Variants in CAP2 observed in about 807,000 individuals in gnomAD.
CAP2 encodes the protein cyclase associated actin cytoskeleton regulatory protein 2, also known as adenylyl cyclase-associated protein 2.
Under a neutral mutation model 57.7 loss-of-function variants are expected in CAP2, and 24 were observed. The ratio of observed to expected loss-of-function variants is 0.42; its 90% CI spans 0.30 to 0.58. The LOEUF is 0.58. Ranked by LOEUF, CAP2 falls within the 20% of genes least tolerant of loss-of-function variation. The pLI is 0.22. For synonymous variants in CAP2, 194 were observed against 207.2 expected, an observed-to-expected ratio of 0.94 and a Z score of 0.55; for missense variants, 501 against 590.3, an observed-to-expected ratio of 0.85 and a Z score of 1.57.
chr6:17,438,400 T>G (rs1339144399), intron 3 of CAP2, among the ~76,000 whole-genome samples: 1 of 149,294 alleles, frequency 6.7e-6, no homozygotes, highest in Non-Finnish European at 1.5e-5. Flanking sequence ...CTTATGTTGG[T>G]TTTTTTGTTT....
Position 17,549,725 on chromosome 6 carries a change from A to G in CAP2, c.1210-1739A>G, listed in dbSNP as rs145897685. 3.4e-3 allele frequency among the ~76,000 whole-genome samples: 518 copies of G among 152,282 alleles called. 3 individuals are homozygous for G. The highest frequency in any genetic ancestry group is 0.012 in the African/African-American group (486 of 41,550). ...GAATCTTATGCCTACAGGAACTACA[A>G]TTTGAGGATTGCCTATATACTAAAG... On this transcript the variant is annotated intron_variant, in intron 11 of 12. Coordinates refer to ENST00000229922, the MANE Select transcript of CAP2 (RefSeq NM_006366.3).
At chr6:17,448,345 A>C (rs1016674669) in intron 3 of CAP2, among the ~76,000 whole-genome samples, 1 of 152,234 alleles carries the variant, frequency 6.6e-6, no homozygotes, top group Non-Finnish European at 1.5e-5. Flanking sequence ...TCCTTAAGTG[A>C]TAGAAAAACA....
chr6:17,469,173 C>A (rs186049467), intron 4 of CAP2, among the ~76,000 whole-genome samples: 1 of 152,364 alleles, frequency 6.6e-6, no homozygotes, highest in Admixed American at 6.5e-5. Flanking sequence ...GGCACCACCC[C>A]AAGGAAGACT....
chr6:17,532,593 A>C lies in CAP2; in HGVS notation c.637-6676A>C, dbSNP rs915935343. Among the ~76,000 whole-genome samples, 41 of 151,360 alleles carry C rather than the reference A, an allele frequency of 2.7e-4. 1 individual carries two copies. The highest frequency in any genetic ancestry group is 1.3e-4 in the Admixed American group (2 of 15,216). ...AAACCCCTTCTCTACTAAAAATTCA[A>C]AAAAATTAGCCAGGCGTGGTGGCAG... is the stretch of plus-strand genomic sequence containing the variant. On this transcript the variant is annotated intron_variant, in intron 7 of 12. Transcript: ENST00000229922.
chr6:17,540,866 C>A, intron 8 of CAP2, 107 bp from the exon 9 acceptor site: 2 of 1,066,254 alleles, frequency 1.9e-6, no homozygotes, highest in Non-Finnish European at 2.7e-6. Context: ...TTGAAAGTGG[C>A]CTTACCAAAA....
At chr6:17,401,772 C>T (rs920016355) in intron 1 of CAP2, among the ~76,000 whole-genome samples, 3 of 152,108 alleles carry the variant, frequency 2.0e-5, no homozygotes, top group Admixed American at 6.6e-5. Flanking sequence ...TTCTCTGTTT[C>T]TTAGTACTCC....
At chr6:17,394,038 G>C (rs1758608472) in intron 1 of CAP2, among the ~76,000 whole-genome samples, 2 of 150,004 alleles carry the variant, frequency 1.3e-5, no homozygotes, top group South Asian at 2.1e-4. Flanking sequence ...CCGCTCGGAA[G>C]GCGGGGTGCG....
intron 1 of CAP2, among the ~76,000 whole-genome samples, chr6:17,406,412 T>TTTTGTTTTTTTTTTTTTTTTTTC (rs1197104013): frequency 7.4e-6 from 1 of 135,198 alleles, no homozygotes; most frequent in African/African-American, 3.7e-5. Context: ...TTTTTTTTTT[T>TTTTGTTTTTTTTTTTTTTTTTTC]TGAGGCAGTC....
chr6:17,524,159 G>A (rs115128040), intron 7 of CAP2, among the ~76,000 whole-genome samples: 2,800 of 151,482 alleles, frequency 0.018, 87 homozygotes, highest in East Asian at 0.12. Flanking sequence ...CTAATTTGAT[G>A]GATTATTTCT....
intron 7 of CAP2, among the ~76,000 whole-genome samples, chr6:17,533,462 T>C (rs1257863714): frequency 6.6e-6 from 1 of 152,156 alleles, no homozygotes; most frequent in Non-Finnish European, 1.5e-5. Context: ...TTAATCTTAA[T>C]AGACCTTAAA....
chr6:17,460,095 A>T (rs561889763), intron 3 of CAP2, among the ~76,000 whole-genome samples: 2 of 152,350 alleles, frequency 1.3e-5, no homozygotes, highest in East Asian at 3.9e-4. Context: ...TCAAATCAGA[A>T]TAAGTCAATT....
intron 7 of CAP2, among the ~76,000 whole-genome samples, chr6:17,529,411 G>T (rs1294511827): frequency 1.3e-5 from 2 of 152,246 alleles, no homozygotes; most frequent in East Asian, 3.9e-4. Flanking sequence ...GGAGGCCAAG[G>T]CAGGCGGATC....
chr6:17,420,207 T>A (rs1759402335), intron 1 of CAP2, among the ~76,000 whole-genome samples: 1 of 152,210 alleles, frequency 6.6e-6, no homozygotes, highest in South Asian at 2.1e-4. Context: ...TCTAATCAGC[T>A]TTAATCCCTA....
At chr6:17,467,940 C>A (rs181428279) in intron 4 of CAP2, among the ~76,000 whole-genome samples, 5 of 152,180 alleles carry the variant, frequency 3.3e-5, no homozygotes, top group Admixed American at 3.3e-4. Flanking sequence ...ATTAACCATC[C>A]CCACCTCCCC....
Position 17,514,502 on chromosome 6 carries a change from C to A in CAP2, c.636+548C>A, listed in dbSNP as rs186498634. ...GTGGCTCTCACGCCTGTAATCCCAG[C>A]ACTTTGGGAGGCCGAGGTGGGCAGA... On this transcript the variant is annotated intron_variant, in intron 7 of 12. Coordinates refer to ENST00000229922, the MANE Select transcript of CAP2 (RefSeq NM_006366.3). 4.4e-3 allele frequency among the ~76,000 whole-genome samples: 675 copies of A among 152,292 alleles called. 6 individuals are homozygous for A. The highest frequency in any genetic ancestry group is 0.016 in the African/African-American group (657 of 41,556).
At chr6:17,409,610 A>G (rs1759086444) in intron 1 of CAP2, among the ~76,000 whole-genome samples, 1 of 152,070 alleles carries the variant, frequency 6.6e-6, no homozygotes, top group South Asian at 2.1e-4. Context: ...TGAGGCATGT[A>G]TTATTATTGG....
chr6:17,434,309 A>G (rs981905857), intron 3 of CAP2, among the ~76,000 whole-genome samples: 12 of 149,554 alleles, frequency 8.0e-5, no homozygotes, highest in African/African-American at 2.7e-4. Context: ...GATCACTGCA[A>G]CCTCCGCCTC....
chr6:17,434,585 G>C (rs1017876106), intron 3 of CAP2, among the ~76,000 whole-genome samples: 1 of 152,206 alleles, frequency 6.6e-6, no homozygotes, highest in Non-Finnish European at 1.5e-5. Context: ...GCCAGGAAAA[G>C]CACCACGTGT....
At position 17,464,655 on chromosome 6, in the gene CAP2, C is replaced by T. The variant is rs140940182; in HGVS notation, c.300+1582C>T. Among the ~76,000 whole-genome samples the T allele has an allele frequency of 4.2e-3, 646 of 152,264 alleles. 2 individuals are homozygous for T. Among genetic ancestry groups the T allele is most frequent in the Non-Finnish European group, 7.4e-3 (502 of 68,038 alleles). ...GACTTTCAACCAGAGCTGTCAGCCCCCACCCAAGATGGATATATCACCTCC... is the reference window on the plus strand; with the variant it reads ...GACTTTCAACCAGAGCTGTCAGCCCTCACCCAAGATGGATATATCACCTCC... On this transcript the variant is annotated intron_variant, in intron 4 of 12. Transcript: ENST00000229922.
Sources: gnomAD v4.1 joint callset for allele counts (sites outside exome capture counted in the v4.1 genomes callset) on GRCh38, gnomAD v4.1.1 for gene constraint, MANE v1.5 for transcripts, NCBI Gene and HGNC (gene_info 2026-07-23, HGNC 2026-07-21) for gene names.